The following ANK3 variants were observed in gnomAD, a reference collection of about 807,000 sequenced individuals.
ANK3 encodes ankyrin-3.
ANK3 carries 57 observed loss-of-function variants against 370.9 expected under a neutral mutation model. The observed-to-expected ratio is 0.15, with a 90% CI of 0.12 to 0.19. ANK3 has a LOEUF of 0.19. ANK3 is among the 10% of genes least tolerant of loss of function. The pLI is 1.00. For missense variants in ANK3, 4,439 were observed against 5,302.1 expected (o/e 0.84, Z 5.06); for synonymous variants, 1,929 against 1,946.3 (o/e 0.99, Z 0.23).
At chr10:60,487,957 G>T (rs1353637463) in intron 2 of ANK3, among the ~76,000 whole-genome samples, 1 of 152,044 alleles carries the variant, frequency 6.6e-6, no homozygotes, top group African/African-American at 2.4e-5. Flanking sequence ...CAGGTGATCT[G>T]CCTGCCTTGG....
intron 2 of ANK3, among the ~76,000 whole-genome samples, chr10:60,443,733 T>A (rs1472536566): frequency 6.6e-6 from 1 of 152,168 alleles, no homozygotes; most frequent in Non-Finnish European, 1.5e-5. Flanking sequence ...AGAAAATGGA[T>A]GTCCTTCTTG....
chr10:60,572,887 TGAGA>T, intron 2 of ANK3: 2 of 1,029,450 alleles, frequency 1.9e-6, no homozygotes, highest in Non-Finnish European at 2.3e-6. Context: ...CTGGAAATGG[TGAGA>T]GAGAGAGAAA....
intron 2 of ANK3, among the ~76,000 whole-genome samples, chr10:60,574,157 G>T (rs2133271255): frequency 6.6e-6 from 1 of 152,180 alleles, no homozygotes; most frequent in Non-Finnish European, 1.5e-5. Context: ...CATATAAAGG[G>T]GGTTTGTGTC....
intron 9 of ANK3, among the ~76,000 whole-genome samples, chr10:60,209,968 A>G (rs1487776359): frequency 2.0e-5 from 3 of 152,088 alleles, no homozygotes; most frequent in Non-Finnish European, 4.4e-5. Context: ...CATCTGCCCT[A>G]TGGAAAGAGG....
At chr10:60,285,238 G>T (rs534635451) in intron 1 of ANK3, among the ~76,000 whole-genome samples, 88 of 152,154 alleles carry the variant, frequency 5.8e-4, no homozygotes, top group Non-Finnish European at 1.1e-3. Flanking sequence ...GATAACTCAG[G>T]TAATTAACAA....
chr10:60,121,311 C>A (rs1409049583), intron 25 of ANK3, among the ~76,000 whole-genome samples: 1 of 150,262 alleles, frequency 6.7e-6, no homozygotes, highest in Non-Finnish European at 1.5e-5. Flanking sequence ...AAAATTGTTA[C>A]CAGAGGCTGG....
chr10:60,371,132 C>A, intron 1 of ANK3, among the ~76,000 whole-genome samples: 1 of 151,942 alleles, frequency 6.6e-6, no homozygotes, highest in Non-Finnish European at 1.5e-5. Flanking sequence ...CAATATCTGC[C>A]ACACTTCTCA....
intron 1 of ANK3, among the ~76,000 whole-genome samples, chr10:60,372,955 G>A (rs564216572): frequency 8.7e-4 from 132 of 152,226 alleles, no homozygotes; most frequent in Non-Finnish European, 1.6e-3. Context: ...TGATTTGAGT[G>A]ATTGGTATAA....
chr10:60,339,321 A>G (rs1219834425), intron 1 of ANK3, among the ~76,000 whole-genome samples: 1 of 152,172 alleles, frequency 6.6e-6, no homozygotes, highest in Admixed American at 6.5e-5. Context: ...TTAGAATCCT[A>G]TAACTCTTCT....
chr10:60,698,462 T>C (rs1164466882), intron 1 of ANK3, among the ~76,000 whole-genome samples: 52 of 151,360 alleles, frequency 3.4e-4, no homozygotes, highest in Non-Finnish European at 6.3e-4. Flanking sequence ...CGTATGTTTA[T>C]TGCGGCACTA....
intron 1 of ANK3, among the ~76,000 whole-genome samples, chr10:60,292,335 T>G (rs1285010190): frequency 6.6e-6 from 1 of 151,786 alleles, no homozygotes; most frequent in Non-Finnish European, 1.5e-5. Context: ...CAAAGAAGCA[T>G]GAGAGAAATA....
chr10:60,339,467 T>C (rs777469230), intron 1 of ANK3, among the ~76,000 whole-genome samples: 31 of 152,172 alleles, frequency 2.0e-4, no homozygotes, highest in Non-Finnish European at 3.5e-4. Context: ...CTCCCTGTCA[T>C]GTAAAACAAG....
At chr10:60,230,853 C>T (rs2097231389) in intron 8 of ANK3, among the ~76,000 whole-genome samples, 2 of 149,716 alleles carry the variant, frequency 1.3e-5, no homozygotes, top group South Asian at 4.3e-4. Context: ...TGCGCCACTG[C>T]ACTCCAGACT....
At chr10:60,059,482 C>A in intron 40 of ANK3, 52 bp from the exon 41 acceptor site, 2 of 1,496,768 alleles carry the variant, frequency 1.3e-6, no homozygotes, top group African/African-American at 1.4e-5. Context: ...TTAAGAATAG[C>A]CTGTACTTTT....
At chr10:60,429,261 A>T (rs1047067116) in intron 2 of ANK3, among the ~76,000 whole-genome samples, 1 of 152,170 alleles carries the variant, frequency 6.6e-6, no homozygotes, top group African/African-American at 2.4e-5. Flanking sequence ...GTGCTTTGTT[A>T]TCTTCTCTCA....
Position 60,335,904 on chromosome 10 carries a change from G to A in ANK3, c.114+53521C>T, listed in dbSNP as rs905370913. ...CAAAATTACACAGCTACCTCTAGGTGGCAGAGATGGAAAGCCAGCCAGGCT... is the reference window on the plus strand; with the variant it reads ...CAAAATTACACAGCTACCTCTAGGTAGCAGAGATGGAAAGCCAGCCAGGCT... On this transcript the variant is annotated intron_variant, in intron 1 of 43. Transcript: ENST00000280772. 3.9e-5 allele frequency among the ~76,000 whole-genome samples: 6 copies of A among 152,228 alleles called. No individual in the cohort carries two copies. In the South Asian group the frequency reaches 8.3e-4, roughly 21 times the overall value.
intron 1 of ANK3, among the ~76,000 whole-genome samples, chr10:60,326,666 T>A (rs576736301): frequency 6.6e-6 from 1 of 152,242 alleles, no homozygotes; most frequent in Admixed American, 6.5e-5. Flanking sequence ...ACCCTCCTAC[T>A]GACACTCAGT....
At chr10:60,183,535 T>C (rs1373751131) in intron 17 of ANK3, among the ~76,000 whole-genome samples, 2 of 152,170 alleles carry the variant, frequency 1.3e-5, no homozygotes, top group African/African-American at 4.8e-5. Flanking sequence ...GTTAATCTTT[T>C]ATGGCATTTT....
chr10:60,679,118 G>C (rs2079162179), intron 1 of ANK3, among the ~76,000 whole-genome samples: 1 of 152,172 alleles, frequency 6.6e-6, no homozygotes, highest in African/African-American at 2.4e-5. Context: ...GCAATGATCT[G>C]AACAAGGGCC....
Sources: gnomAD v4.1 joint callset for allele counts (sites outside exome capture counted in the v4.1 genomes callset) on GRCh38, gnomAD v4.1.1 for gene constraint, MANE v1.5 for transcripts, NCBI Gene and HGNC (gene_info 2026-07-23, HGNC 2026-07-21) for gene names.